Variants in ELOVL7 observed in about 807,000 individuals in gnomAD.
ELOVL7 encodes the protein ELOVL fatty acid elongase 7, also known as very long chain fatty acid elongase 7.
A neutral mutation model predicts 35.7 loss-of-function variants in ELOVL7; 27 were observed. The observed-to-expected ratio is 0.76, with a 90% CI of 0.56 to 1.04. The LOEUF (loss-of-function observed/expected upper bound fraction) is 1.04. Among genes scored for constraint, ELOVL7 ranks in the 50% least tolerant of loss-of-function variants. ELOVL7 has a pLI of 0.00. For synonymous variants in ELOVL7, 113 were observed against 114.6 expected (o/e 0.99, Z 0.09); for missense variants, 327 against 340.8 (o/e 0.96, Z 0.32).
chr5:60,780,189 G>A (rs62370914), intron 3 of ELOVL7, among the ~76,000 whole-genome samples: 31,416 of 148,586 alleles, frequency 0.21, 3,865 homozygotes, highest in Non-Finnish European at 0.28. Flanking sequence ...GTACGATCTC[G>A]GCTCACTGCA....
chr5:60,819,562 AC>A (rs1257661202), intron 1 of ELOVL7, among the ~76,000 whole-genome samples: 1 of 152,238 alleles, frequency 6.6e-6, no homozygotes, highest in East Asian at 1.9e-4. Flanking sequence ...TGGGTGGATC[AC>A]CTGAGGTCAG....
chr5:60,772,208 G>C (rs151297238), intron 3 of ELOVL7, 115 bp from the exon 4 acceptor site: 1 of 636,594 alleles, frequency 1.6e-6, no homozygotes, highest in African/African-American at 1.8e-5. Context: ...AGCTATTTGG[G>C]CAGTGATCAC....
chr5:60,835,924 A>G (rs898136281), intron 1 of ELOVL7, among the ~76,000 whole-genome samples: 2 of 152,062 alleles, frequency 1.3e-5, no homozygotes, highest in Non-Finnish European at 2.9e-5. Flanking sequence ...TGTTAAGCCA[A>G]TAACCCAGCA....
chr5:60,809,347 C>T (rs1247001027), intron 1 of ELOVL7, among the ~76,000 whole-genome samples: 1 of 152,140 alleles, frequency 6.6e-6, no homozygotes, highest in Non-Finnish European at 1.5e-5. Flanking sequence ...TGGCAGAAAT[C>T]AAACCCAGGC....
rs575720882 is a variant in ELOVL7 at position 60,754,891 on chromosome 5, A to G, written c.637-58T>C. On this transcript the variant is annotated intron_variant, in intron 8 of 8. Coordinates refer to ENST00000508821, the MANE Select transcript of ELOVL7 (RefSeq NM_024930.3). ...AGATATGAAGAGTTAACAATTCTTTACCTACCTATGTTTATGCACTCCCAA... is the reference window on the plus strand; with the variant it reads ...AGATATGAAGAGTTAACAATTCTTTGCCTACCTATGTTTATGCACTCCCAA... 119 of 1,467,872 alleles carry G rather than the reference A, an allele frequency of 8.1e-5. No individual in the cohort carries two copies. In the African/African-American group the frequency reaches 1.5e-3, roughly 19 times the overall value. The allele number at this position is 1,467,872 out of a possible 1,614,324, so 90.9% of individuals were successfully genotyped here.
rs1322630106 is a variant in ELOVL7 at position 60,787,401 on chromosome 5, C to T, written c.-4G>A. 1 of 1,596,260 alleles carries T rather than the reference C, an allele frequency of 6.3e-7. No homozygotes were observed. On this transcript the variant is annotated 5_prime_UTR_variant, in exon 3 of 9. Coordinates refer to ENST00000508821, the MANE Select transcript of ELOVL7 (RefSeq NM_024930.3). ...ATGTAAGATCACTGAAGGCCATTTT[C>T]CACAGGATTTACTGGCTCTTTTAAT...
chr5:60,757,932 A>T (rs180779607), intron 7 of ELOVL7, among the ~76,000 whole-genome samples: 20 of 152,214 alleles, frequency 1.3e-4, no homozygotes, highest in Non-Finnish European at 2.5e-4. Context: ...GTTACCTTTT[A>T]AATATAATAT....
intron 1 of ELOVL7, among the ~76,000 whole-genome samples, chr5:60,812,307 CAA>C (rs1165334879): frequency 6.6e-6 from 1 of 151,988 alleles, no homozygotes; most frequent in Non-Finnish European, 1.5e-5. Flanking sequence ...TACAATGTAA[CAA>C]AGAGTTTCTT....
intron 1 of ELOVL7, among the ~76,000 whole-genome samples, chr5:60,811,627 G>C (rs995265053): frequency 6.6e-6 from 1 of 152,158 alleles, no homozygotes; most frequent in Non-Finnish European, 1.5e-5. Flanking sequence ...TATTGAGGGA[G>C]TGAGTTATTT....
intron 7 of ELOVL7, among the ~76,000 whole-genome samples, chr5:60,758,155 T>C (rs1741661188): frequency 6.6e-6 from 1 of 151,636 alleles, no homozygotes; most frequent in Admixed American, 6.6e-5. Flanking sequence ...TTACTCTAAC[T>C]TCTTATTACC....
intron 1 of ELOVL7, among the ~76,000 whole-genome samples, chr5:60,835,637 T>C (rs990081621): frequency 6.6e-6 from 1 of 151,946 alleles, no homozygotes; most frequent in African/African-American, 2.4e-5. Flanking sequence ...CGTCTTCAAC[T>C]CCTGTCCTCA....
At chr5:60,765,273 T>C (rs150716606) in intron 6 of ELOVL7, among the ~76,000 whole-genome samples, 13 of 152,330 alleles carry the variant, frequency 8.5e-5, no homozygotes, top group African/African-American at 3.1e-4. Flanking sequence ...CTCTGGGTCC[T>C]AGTCCCACTT....
intron 1 of ELOVL7, among the ~76,000 whole-genome samples, chr5:60,838,234 C>G (rs1227240117): frequency 6.6e-6 from 1 of 152,134 alleles, no homozygotes; most frequent in African/African-American, 2.4e-5. Context: ...TTTAAAGTAT[C>G]TGCATCTCCC....
intron 1 of ELOVL7, among the ~76,000 whole-genome samples, chr5:60,834,162 G>T (rs1478009719): frequency 1.3e-5 from 2 of 150,768 alleles, no homozygotes; most frequent in African/African-American, 2.4e-5. Flanking sequence ...TTTTTTTTGA[G>T]ACGGAGTCTC....
At chr5:60,817,124 A>G (rs1745559802) in intron 1 of ELOVL7, among the ~76,000 whole-genome samples, 1 of 152,164 alleles carries the variant, frequency 6.6e-6, no homozygotes, top group Admixed American at 6.5e-5. Context: ...ATATTTATAC[A>G]GTGAAAAGCT....
chr5:60,800,928 G>A lies in ELOVL7; in HGVS notation c.-85-1698C>T, dbSNP rs112956919. On this transcript the variant is annotated intron_variant, in intron 1 of 8. Coordinates refer to ENST00000508821, the MANE Select transcript of ELOVL7 (RefSeq NM_024930.3). ...TTCTAATTTTTAAAAATGTTTTACC[G>A]ATTTATGTATTTATTTGGAGACAGG... is the stretch of plus-strand genomic sequence containing the variant. Among the ~76,000 whole-genome samples, 212 of 152,134 alleles carry A rather than the reference G, an allele frequency of 1.4e-3. 4 individuals carry two copies. The highest frequency in any genetic ancestry group is 4.9e-3 in the African/African-American group (202 of 41,514).
intron 6 of ELOVL7, among the ~76,000 whole-genome samples, chr5:60,764,949 C>T (rs2112153101): frequency 6.6e-6 from 1 of 152,020 alleles, no homozygotes; most frequent in Non-Finnish European, 1.5e-5. Flanking sequence ...AAAACCCTGT[C>T]AACAAAATGG....
intron 4 of ELOVL7, among the ~76,000 whole-genome samples, chr5:60,770,696 A>G (rs1282547572): frequency 6.6e-6 from 1 of 152,182 alleles, no homozygotes; most frequent in Non-Finnish European, 1.5e-5. Flanking sequence ...ACTGTGAGAA[A>G]TAAGGCCAGA....
At chr5:60,823,474 C>T (rs138931617) in intron 1 of ELOVL7, among the ~76,000 whole-genome samples, 178 of 152,264 alleles carry the variant, frequency 1.2e-3, no homozygotes, top group African/African-American at 3.9e-3. Context: ...CACTCTATGT[C>T]CCATGCCTAC....
Sources: gnomAD v4.1 joint callset for allele counts (sites outside exome capture counted in the v4.1 genomes callset) on GRCh38, gnomAD v4.1.1 for gene constraint, MANE v1.5 for transcripts, NCBI Gene and HGNC (gene_info 2026-07-23, HGNC 2026-07-21) for gene names.